GRAMD1B: variants seen among roughly 807,000 people sequenced by gnomAD.
GRAMD1B encodes the protein GRAM domain containing 1B, also known as protein Aster-B.
Under a neutral mutation model 99.7 loss-of-function variants are expected in GRAMD1B, and 37 were observed. That is an observed-to-expected ratio of 0.37 (90% CI 0.29 to 0.49). The LOEUF is 0.49. Among genes scored for constraint, GRAMD1B ranks in the 20% least tolerant of loss-of-function variants. The pLI is 0.98. For missense variants in GRAMD1B, 888 were observed against 1,009.2 expected, an observed-to-expected ratio of 0.88 and a Z score of 1.63; for synonymous variants, 427 against 387.6, an observed-to-expected ratio of 1.10 and a Z score of -1.19.
intron 2 of GRAMD1B, among the ~76,000 whole-genome samples, chr11:123,548,323 TATACAC>T (rs1373109726): frequency 2.0e-5 from 2 of 100,494 alleles, no homozygotes; most frequent in Non-Finnish European, 3.7e-5. Context: ...TATATATATA[TATACAC>T]ACACACACAC....
At chr11:123,432,737 T>A (rs1188620451) in intron 1 of GRAMD1B, among the ~76,000 whole-genome samples, 1 of 151,282 alleles carries the variant, frequency 6.6e-6, no homozygotes, top group African/African-American at 2.4e-5. Flanking sequence ...AAGAATGAGG[T>A]TGGGTGCATA....
At chr11:123,484,680 C>T (rs1951790788) in intron 2 of GRAMD1B, among the ~76,000 whole-genome samples, 1 of 152,128 alleles carries the variant, frequency 6.6e-6, no homozygotes, top group Admixed American at 6.6e-5. Context: ...CCTCCAACCC[C>T]CAAAACCTCA....
intron 2 of GRAMD1B, among the ~76,000 whole-genome samples, chr11:123,558,942 T>C (rs1040083099): frequency 1.3e-5 from 2 of 152,344 alleles, no homozygotes; most frequent in Middle Eastern, 3.4e-3. Context: ...AAATATTAGC[T>C]CTCAGCATGA....
chr11:123,521,319 A>G (rs1195632908), intron 2 of GRAMD1B, among the ~76,000 whole-genome samples: 2 of 152,148 alleles, frequency 1.3e-5, no homozygotes, highest in Admixed American at 1.3e-4. Flanking sequence ...TCCTTTTTAT[A>G]TAGTTTATTG....
chr11:123,405,812 G>C (rs1019340081), intron 1 of GRAMD1B, among the ~76,000 whole-genome samples: 1 of 152,126 alleles, frequency 6.6e-6, no homozygotes, highest in Non-Finnish European at 1.5e-5. Context: ...AATGAATTTA[G>C]GGAGTTATGA....
intron 9 of GRAMD1B, among the ~76,000 whole-genome samples, 169 bp downstream of exon 9, chr11:123,603,710 C>G (rs528457778): frequency 2.0e-5 from 3 of 152,326 alleles, no homozygotes; most frequent in East Asian, 3.9e-4. Context: ...GGGGGCAGAG[C>G]CTAAGGGCCT....
In GRAMD1B at chr11:123,436,007, A is replaced by C. The variant is rs577255382; in HGVS notation, c.374+4841A>C. Among the ~76,000 whole-genome samples the C allele has an allele frequency of 4.2e-5, 6 of 143,576 alleles. No homozygotes were observed. In the Admixed American group the frequency reaches 4.4e-4, roughly 10 times the overall value. 94.2% of individuals were successfully genotyped at this position (143,576 alleles called of 152,430 possible). A position where few individuals can be genotyped will look rare whatever the true frequency, so the allele number is the denominator to read the frequency against. ...ACCCAGGCTGGAGTGCAGTGGCTCAATCTCGGCTCACTGCAGCCTCTGCCT... is the reference window on the plus strand; with the variant it reads ...ACCCAGGCTGGAGTGCAGTGGCTCACTCTCGGCTCACTGCAGCCTCTGCCT... On this transcript the variant is annotated intron_variant, in intron 1 of 19. Transcript: ENST00000635736.
chr11:123,417,150 G>A (rs575553506), intron 1 of GRAMD1B, among the ~76,000 whole-genome samples: 72 of 152,300 alleles, frequency 4.7e-4, no homozygotes, highest in African/African-American at 1.6e-3. Context: ...CGAGATGGGC[G>A]GACCACGAGG....
At chr11:123,450,189 C>G (rs1374447490) in intron 1 of GRAMD1B, among the ~76,000 whole-genome samples, 1 of 152,148 alleles carries the variant, frequency 6.6e-6, no homozygotes, top group Non-Finnish European at 1.5e-5. Flanking sequence ...AGTCTGCAAA[C>G]AGCAGTTAGG....
chr11:123,455,291 A>G (rs12365030), intron 1 of GRAMD1B, among the ~76,000 whole-genome samples: 2,499 of 152,234 alleles, frequency 0.016, 47 homozygotes, highest in Admixed American at 0.052. Flanking sequence ...TTTATTTTTT[A>G]TTTTATAAAA....
At chr11:123,594,258 A>T in intron 5 of GRAMD1B, 92 bp downstream of exon 5, 1 of 843,688 alleles carries the variant, frequency 1.2e-6, no homozygotes, top group Non-Finnish European at 2.1e-6. Flanking sequence ...GCCTCAAGCC[A>T]ACCCAGGTAA....
chr11:123,542,542 AGAAGCATTGG>A (rs1944637573), intron 2 of GRAMD1B, among the ~76,000 whole-genome samples: 1 of 152,204 alleles, frequency 6.6e-6, no homozygotes, highest in South Asian at 2.1e-4. Flanking sequence ...TCCCTGGGGA[AGAAGCATTGG>A]GAGCAGAGCT....
chr11:123,601,595 C>G (rs895899812), intron 8 of GRAMD1B, among the ~76,000 whole-genome samples: 1 of 151,932 alleles, frequency 6.6e-6, no homozygotes, highest in Non-Finnish European at 1.5e-5. Flanking sequence ...GGCCTTGACT[C>G]TAGCCCAAAC....
intron 1 of GRAMD1B, among the ~76,000 whole-genome samples, chr11:123,390,834 C>A (rs1017053145): frequency 6.6e-6 from 1 of 152,198 alleles, no homozygotes; most frequent in Non-Finnish European, 1.5e-5. Context: ...TCTAGGAGCT[C>A]CCTTAGCTTC....
At chr11:123,505,317 CCA>C (rs1940313967) in intron 2 of GRAMD1B, among the ~76,000 whole-genome samples, 1 of 152,070 alleles carries the variant, frequency 6.6e-6, no homozygotes, top group African/African-American at 2.4e-5. Context: ...TAGACGCGAG[CCA>C]TCATGCTCAG....
At chr11:123,598,401 C>A (rs541873841) in intron 7 of GRAMD1B, 3 of 946,510 alleles carry the variant, frequency 3.2e-6, no homozygotes, top group Admixed American at 1.7e-5. Context: ...TTCTCCTGTC[C>A]TTGCTTGCTC....
intron 1 of GRAMD1B, among the ~76,000 whole-genome samples, chr11:123,371,907 C>T (rs553518439): frequency 2.2e-4 from 34 of 152,146 alleles, no homozygotes; most frequent in Non-Finnish European, 4.7e-4. Flanking sequence ...GGTGGAGCTG[C>T]ATGTCTCTGT....
Position 123,613,565 on chromosome 11 carries a change from G to C in GRAMD1B, c.2134G>C (p.Ala712Pro). 1 of 1,613,804 alleles carries C rather than the reference G, an allele frequency of 6.2e-7. No individual in the cohort carries two copies. Among genetic ancestry groups the C allele is most frequent in the Non-Finnish European group, 8.5e-7 (1 of 1,179,808 alleles). Residue 712 changes from alanine (A) to proline (P), a missense_variant, in exon 16 of 20, where the codon GCC (alanine) becomes CCC (proline). Transcript: ENST00000635736. ...TTVRRRKRPH[A>P]HLRVPHLEEV... ...GGTGCGGAGGAGGAAGCGTCCCCAT[G>C]CCCACCTGCGAGTCCCTCACCTGGA... is the stretch of plus-strand genomic sequence containing the variant.
chr11:123,597,930 A>G (rs1592203640), intron 7 of GRAMD1B: 5 of 1,061,172 alleles, frequency 4.7e-6, no homozygotes. Flanking sequence ...AAGCTGAGCT[A>G]CATCCCTGAA....
Sources: allele counts gnomAD v4.1 joint callset (sites outside exome capture counted in the v4.1 genomes callset), GRCh38; gene constraint gnomAD v4.1.1; transcripts MANE v1.5; gene names NCBI Gene and HGNC (gene_info 2026-07-23, HGNC 2026-07-21).